STPG2: variants seen among roughly 807,000 people sequenced by gnomAD.
STPG2 encodes sperm tail PG-rich repeat containing 2.
A neutral mutation model predicts 54.2 loss-of-function variants in STPG2; 56 were observed. That is an observed-to-expected ratio of 1.03 (90% CI 0.83 to 1.29). The LOEUF (loss-of-function observed/expected upper bound fraction) is 1.29. Among genes scored for constraint, STPG2 ranks in the 50% most tolerant of loss-of-function variants. The probability of loss-of-function intolerance (pLI) is 0.00; values close to 1 mark genes in which losing one functional copy is unlikely to be tolerated. For synonymous variants in STPG2, 200 were observed against 181.8 expected (o/e 1.10, Z -0.81); for missense variants, 596 against 544.9 (o/e 1.09, Z -0.93).
intron 4 of STPG2, among the ~76,000 whole-genome samples, chr4:97,498,755 A>G (rs954517431): frequency 2.6e-5 from 4 of 151,980 alleles, no homozygotes; most frequent in Admixed American, 2.6e-4. Flanking sequence ...AAAAAATAAT[A>G]TCTGGATTTC....
At chr4:98,071,890 T>C (rs762896936) in intron 5 of STPG2, among the ~76,000 whole-genome samples, 4 of 151,988 alleles carry the variant, frequency 2.6e-5, no homozygotes, top group Non-Finnish European at 5.9e-5. Flanking sequence ...TGGCAATCAT[T>C]AAAAAGTCAA....
chr4:97,595,617 A>G (rs1313916905), intron 10 of STPG2, among the ~76,000 whole-genome samples: 1 of 152,092 alleles, frequency 6.6e-6, no homozygotes, highest in African/African-American at 2.4e-5. Flanking sequence ...AAAAACAAAA[A>G]AAGAAAAAAA....
At chr4:97,763,180 T>C (rs1262944068) in intron 9 of STPG2, among the ~76,000 whole-genome samples, 1 of 152,208 alleles carries the variant, frequency 6.6e-6, no homozygotes, top group Non-Finnish European at 1.5e-5. Flanking sequence ...AATACAGGAA[T>C]ATTTTTTGGA....
chr4:97,970,074 A>C (rs537106649), intron 7 of STPG2, among the ~76,000 whole-genome samples: 17 of 152,336 alleles, frequency 1.1e-4, no homozygotes, highest in African/African-American at 4.1e-4. Context: ...TTCAAAGAGA[A>C]TAAAATACCT....
Position 97,800,786 on chromosome 4 carries a change from T to A in STPG2, c.1204+39987A>T, listed in dbSNP as rs1727369434. ...CTATGCCCTACCCCCAGAGTTGGAG[T>A]CTACAGAGGCAGGCAGGCCTCCTTG... On this transcript the variant is annotated intron_variant, in intron 9 of 10. Transcript: ENST00000295268. Among the ~76,000 whole-genome samples the A allele has an allele frequency of 2.0e-5, 3 of 152,134 alleles. No individual in the cohort carries two copies. The South Asian group carries it at 6.2e-4, about 31-fold the overall frequency.
chr4:97,804,366 T>C (rs1396765946), intron 9 of STPG2, among the ~76,000 whole-genome samples: 2 of 152,114 alleles, frequency 1.3e-5, no homozygotes, highest in Non-Finnish European at 2.9e-5. Flanking sequence ...ATACTGATTA[T>C]CCTGACCCTG....
chr4:97,938,215 C>T (rs920056823), intron 8 of STPG2, among the ~76,000 whole-genome samples: 2 of 152,178 alleles, frequency 1.3e-5, no homozygotes, highest in Non-Finnish European at 2.9e-5. Context: ...TCTCCTGGAA[C>T]CAAGTAGTCC....
chr4:97,694,546 C>T (rs570708743), intron 10 of STPG2, among the ~76,000 whole-genome samples: 3 of 151,984 alleles, frequency 2.0e-5, no homozygotes, highest in Admixed American at 6.5e-5. Context: ...CAGTGGCTCA[C>T]GCCTGTAATC....
chr4:97,630,804 T>C (rs1470676722), intron 10 of STPG2, among the ~76,000 whole-genome samples: 1 of 151,812 alleles, frequency 6.6e-6, no homozygotes, highest in Non-Finnish European at 1.5e-5. Flanking sequence ...ATCTAAAAAA[T>C]CATTTAAAAT....
At chr4:97,631,673 T>G (rs1721284944) in intron 10 of STPG2, among the ~76,000 whole-genome samples, 2 of 152,062 alleles carry the variant, frequency 1.3e-5, no homozygotes, top group Admixed American at 6.5e-5. Context: ...TATTACACAC[T>G]AAATGCTCTC....
chr4:97,822,184 G>T (rs1728115157), intron 9 of STPG2, among the ~76,000 whole-genome samples: 1 of 152,130 alleles, frequency 6.6e-6, no homozygotes, highest in Non-Finnish European at 1.5e-5. Context: ...TTTCTTAAAT[G>T]CTTTGCTGCT....
chr4:97,876,711 A>C (rs1730184334), intron 8 of STPG2, among the ~76,000 whole-genome samples: 1 of 152,090 alleles, frequency 6.6e-6, no homozygotes, highest in South Asian at 2.1e-4. Flanking sequence ...AAAGAAGATG[A>C]AACAATAGAA....
chr4:98,119,369 T>TG (rs1739608187), intron 3 of STPG2, among the ~76,000 whole-genome samples: 1 of 151,738 alleles, frequency 6.6e-6, no homozygotes, highest in Non-Finnish European at 1.5e-5. Flanking sequence ...ATAAATAAAC[T>TG]GTACTCTTCA....
intron 8 of STPG2, among the ~76,000 whole-genome samples, chr4:97,938,112 C>T (rs1306132180): frequency 6.6e-6 from 1 of 152,142 alleles, no homozygotes; most frequent in African/African-American, 2.4e-5. Context: ...GCAGGGAGGC[C>T]TCACCCAGAG....
chr4:97,637,564 C>T (rs569059635), intron 10 of STPG2, among the ~76,000 whole-genome samples: 89 of 152,298 alleles, frequency 5.8e-4, no homozygotes, highest in African/African-American at 1.9e-3. Context: ...TCCCTGTTTG[C>T]TGATGACATG....
chr4:97,528,306 T>C (rs1560645227), intron 4 of STPG2, among the ~76,000 whole-genome samples: 1 of 152,124 alleles, frequency 6.6e-6, no homozygotes, highest in African/African-American at 2.4e-5. Flanking sequence ...GATCAGTTGG[T>C]TGTAGATGTG....
intron 10 of STPG2, among the ~76,000 whole-genome samples, chr4:97,579,339 C>T (rs993998342): frequency 6.6e-6 from 1 of 151,924 alleles, no homozygotes; most frequent in Admixed American, 6.6e-5. Context: ...ACTATTTTGA[C>T]TAATTATCCT....
intron 9 of STPG2, among the ~76,000 whole-genome samples, chr4:97,743,829 A>G (rs1448927208): frequency 6.6e-6 from 1 of 151,558 alleles, no homozygotes; most frequent in Non-Finnish European, 1.5e-5. Flanking sequence ...TTCCCAAAAG[A>G]GGACATTTTA....
intron 8 of STPG2, among the ~76,000 whole-genome samples, chr4:97,911,949 G>A (rs956873363): frequency 3.3e-5 from 5 of 152,040 alleles, no homozygotes; most frequent in African/African-American, 1.2e-4. Flanking sequence ...CATCAGGTTC[G>A]TACCCTTCTG....
Sources: gnomAD v4.1 joint callset for allele counts (sites outside exome capture counted in the v4.1 genomes callset) on GRCh38, gnomAD v4.1.1 for gene constraint, MANE v1.5 for transcripts, NCBI Gene and HGNC (gene_info 2026-07-23, HGNC 2026-07-21) for gene names.